The following TCAF1 variants were observed in gnomAD, a reference collection of about 807,000 sequenced individuals.
The protein encoded by TCAF1 is TRPM8 channel-associated factor 1.
A neutral mutation model predicts 27.3 loss-of-function variants in TCAF1; 4 were observed. The observed-to-expected ratio is 0.15, with a 90% CI of 0.07 to 0.34. The LOEUF is 0.34. Ranked by LOEUF, TCAF1 falls within the 10% of genes least tolerant of loss-of-function variation. The pLI is 1.00. For missense variants in TCAF1, 257 were observed against 425.8 expected (o/e 0.60, Z 3.49); for synonymous variants, 105 against 167.1 (o/e 0.63, Z 2.87).
intron 1 of TCAF1, among the ~76,000 whole-genome samples, chr7:143,893,140 A>G (rs1813724629): frequency 6.6e-6 from 1 of 152,228 alleles, no homozygotes; most frequent in Non-Finnish European, 1.5e-5. Flanking sequence ...TACAATGGGC[A>G]AAGTAAACAT....
intron 1 of TCAF1, among the ~76,000 whole-genome samples, chr7:143,877,481 TAAATG>T (rs1336657466): frequency 6.6e-6 from 1 of 152,174 alleles, no homozygotes; most frequent in African/African-American, 2.4e-5. Flanking sequence ...CTCTGTGGTT[TAAATG>T]CAAGTCTCAC....
chr7:143,891,900 T>C (rs1194167905), intron 1 of TCAF1, among the ~76,000 whole-genome samples: 1 of 151,888 alleles, frequency 6.6e-6, no homozygotes, highest in Non-Finnish European at 1.5e-5. Context: ...TTCATTTAAA[T>C]GAACAAAAAA....
intron 1 of TCAF1, among the ~76,000 whole-genome samples, chr7:143,892,528 A>ATTT (rs556518073): frequency 7.3e-6 from 1 of 137,880 alleles, no homozygotes; most frequent in African/African-American, 2.6e-5. Flanking sequence ...CTTTAACCCA[A>ATTT]TTTTTTTTTT....
intron 1 of TCAF1, among the ~76,000 whole-genome samples, chr7:143,877,919 G>C (rs905394424): frequency 6.6e-6 from 1 of 152,112 alleles, no homozygotes; most frequent in Admixed American, 6.5e-5. Context: ...CTTACTACTT[G>C]TCTATCTCCC....
chr7:143,885,374 G>T lies in TCAF1; in HGVS notation c.-14-8752C>A, dbSNP rs548018979. On this transcript the variant is annotated intron_variant, in intron 1 of 8. Transcript: ENST00000479870. Reference sequence around the variant, plus strand: ...GTGGGCTGCAGTGCAGACGGTTGGGGGTTGGGGCGTCCCCGGGAGCTGATT... The same window carrying T: ...GTGGGCTGCAGTGCAGACGGTTGGGTGTTGGGGCGTCCCCGGGAGCTGATT... 4.7e-4 allele frequency: 464 copies of T among 985,450 alleles called. 1 individual carries two copies. The African/African-American group carries it at 7.3e-3, about 15-fold the overall frequency. The allele number at this position is 985,450 out of a possible 1,614,324, so 61.0% of individuals were successfully genotyped here.
chr7:143,889,497 C>A (rs987367683), intron 1 of TCAF1, among the ~76,000 whole-genome samples: 1 of 152,266 alleles, frequency 6.6e-6, no homozygotes, highest in Admixed American at 6.5e-5. Context: ...AAGAGAAGAA[C>A]TTTCAATGGA....
intron 1 of TCAF1, among the ~76,000 whole-genome samples, chr7:143,901,129 T>A (rs1814092774): frequency 6.6e-6 from 1 of 152,164 alleles, no homozygotes; most frequent in Admixed American, 6.5e-5. Context: ...CAGGCATTCG[T>A]TTCATTATTT....
chr7:143,876,448 T>C lies in TCAF1; in HGVS notation c.161A>G (p.Tyr54Cys), dbSNP rs372298313. The C allele has an allele frequency of 6.2e-7, 1 of 1,609,464 alleles. No homozygotes were observed. The highest frequency in any genetic ancestry group is 1.3e-5 in the African/African-American group (1 of 74,884). The change falls in exon 2 of 9, where the codon TAT becomes TGT. Residue 54 changes from tyrosine (Y) to cysteine (C), a missense_variant. This residue lies in a region of TCAF1 where 255 missense variants were observed against 260.1 expected (regional missense o/e 0.98). Transcript: ENST00000479870. ...MGQVLIAASSYGRGRLVVVSH... is the reference protein window; with the variant it reads ...MGQVLIAASSCGRGRLVVVSH... ...CACGACCACCAGGCGGCCACGGCCA[T>C]AGGAGGAGGCAGCAATGAGGACCTG...
intron 7 of TCAF1, 136 bp from the exon 8 acceptor site, chr7:143,857,486 C>T (rs1379784606): frequency 1.0e-6 from 1 of 963,666 alleles, no homozygotes; most frequent in African/African-American, 1.6e-5. Flanking sequence ...TGCTCTCCTC[C>T]ATTTTGCCTC....
intron 1 of TCAF1, among the ~76,000 whole-genome samples, chr7:143,877,529 AT>A (rs1395662112): frequency 6.6e-6 from 1 of 152,228 alleles, no homozygotes; most frequent in Non-Finnish European, 1.5e-5. Flanking sequence ...AAGATATGCA[AT>A]TACTGCAGCA....
chr7:143,893,283 TA>T (rs1225685679), intron 1 of TCAF1, among the ~76,000 whole-genome samples: 1 of 152,076 alleles, frequency 6.6e-6, no homozygotes, highest in East Asian at 1.9e-4. Flanking sequence ...AAGTTGACAA[TA>T]ATAAAAGAAG....
At chr7:143,901,661 C>T (rs966739098) in intron 1 of TCAF1, among the ~76,000 whole-genome samples, 10 of 152,224 alleles carry the variant, frequency 6.6e-5, no homozygotes, top group African/African-American at 2.2e-4. Flanking sequence ...GAGATCAAAT[C>T]GCCTCGAGGG....
intron 1 of TCAF1, chr7:143,882,770 G>C: frequency 1.0e-6 from 1 of 985,728 alleles, no homozygotes; most frequent in Non-Finnish European, 1.2e-6. Context: ...GGGCAGGTGG[G>C]AGCGGGCAGA....
intron 1 of TCAF1, among the ~76,000 whole-genome samples, chr7:143,901,013 G>T (rs945599125): frequency 1.3e-5 from 2 of 152,158 alleles, no homozygotes; most frequent in Non-Finnish European, 2.9e-5. Flanking sequence ...AATCACGAAA[G>T]ATGTCACATC....
intron 2 of TCAF1, among the ~76,000 whole-genome samples, chr7:143,872,437 AC>A: frequency 7.5e-6 from 1 of 132,630 alleles, no homozygotes; most frequent in Admixed American, 8.0e-5. Context: ...TCTGTAGGTT[AC>A]TCTCAAATGG....
intron 1 of TCAF1, among the ~76,000 whole-genome samples, chr7:143,888,758 T>G (rs559255085): frequency 6.6e-6 from 1 of 152,288 alleles, no homozygotes; most frequent in South Asian, 2.1e-4. Context: ...AAAATTCACA[T>G]GAAAGGAGAA....
At chr7:143,890,476 T>C (rs1813594484) in intron 1 of TCAF1, among the ~76,000 whole-genome samples, 1 of 152,188 alleles carries the variant, frequency 6.6e-6, no homozygotes, top group Admixed American at 6.5e-5. Flanking sequence ...ACAAACTTCT[T>C]GAAATTCCCT....
intron 1 of TCAF1, among the ~76,000 whole-genome samples, chr7:143,890,802 T>A (rs1427335712): frequency 1.3e-5 from 2 of 152,146 alleles, no homozygotes; most frequent in African/African-American, 4.8e-5. Context: ...AATCTAAAAT[T>A]TTATATATGA....
At chr7:143,891,997 A>G (rs1813656377) in intron 1 of TCAF1, among the ~76,000 whole-genome samples, 1 of 152,206 alleles carries the variant, frequency 6.6e-6, no homozygotes, top group Non-Finnish European at 1.5e-5. Flanking sequence ...CTGCCAACCT[A>G]AAATTCTATA....
Sources: allele counts gnomAD v4.1 joint callset (sites outside exome capture counted in the v4.1 genomes callset), GRCh38; gene constraint gnomAD v4.1.1; regional missense constraint gnomAD v4.1.1; transcripts MANE v1.5; gene names NCBI Gene and HGNC (gene_info 2026-07-23, HGNC 2026-07-21).